FNBP4: variants seen among roughly 807,000 people sequenced by gnomAD.
FNBP4 encodes formin binding protein 4, also known as formin-binding protein 4.
Under a neutral mutation model 119.3 loss-of-function variants are expected in FNBP4, and 34 were observed. The observed-to-expected ratio is 0.28, with a 90% CI of 0.22 to 0.38. The LOEUF (loss-of-function observed/expected upper bound fraction) is 0.38, where lower values mean the gene tolerates loss of function less well. Ranked by LOEUF, FNBP4 falls within the 10% of genes least tolerant of loss-of-function variation. The pLI is 1.00. For synonymous variants in FNBP4, 462 were observed against 430.6 expected (o/e 1.07, Z -0.90); for missense variants, 1,112 against 1,228.9 (o/e 0.90, Z 1.42).
intron 10 of FNBP4, 98 bp downstream of exon 10, chr11:47,733,927 T>A: frequency 1.8e-6 from 1 of 554,970 alleles, no homozygotes; most frequent in African/African-American, 2.0e-5. Context: ...AATTTAAATT[T>A]AGGCTTAAAA....
rs769237215 is a variant in FNBP4 at position 47,716,585 on chromosome 11, CAA to C, written c.*835_*836del. 1 of 152,656 alleles carries C rather than the reference CAA, an allele frequency of 6.6e-6. No individual in the cohort carries two copies. Among genetic ancestry groups the C allele is most frequent in the Non-Finnish European group, 1.5e-5 (1 of 68,012 alleles). The allele number at this position is 152,656 out of a possible 1,614,324, so 9.5% of individuals were successfully genotyped here. A position where few individuals can be genotyped will look rare whatever the true frequency, so the allele number is the denominator to read the frequency against. ...TACAAGGTCAGAAACTGGAGAAATA[CAA>C]AGAGCTTTAAAACACAATTTGCCGT... On this transcript the variant is annotated 3_prime_UTR_variant, in exon 17 of 17. Coordinates refer to ENST00000263773, the MANE Select transcript of FNBP4 (RefSeq NM_015308.5).
chr11:47,753,915 C>G (rs1214186570), intron 3 of FNBP4, among the ~76,000 whole-genome samples: 1 of 152,020 alleles, frequency 6.6e-6, no homozygotes, highest in South Asian at 2.1e-4. Context: ...GAAAGCTTTA[C>G]AAAAAGAAAA....
intron 2 of FNBP4, among the ~76,000 whole-genome samples, chr11:47,764,535 T>C (rs1599274337): frequency 6.6e-6 from 1 of 152,068 alleles, no homozygotes; most frequent in East Asian, 1.9e-4. Flanking sequence ...GTTTTTTTTT[T>C]TTTAGGTGGC....
rs976528702 is a variant in FNBP4 at position 47,750,797 on chromosome 11, A to T, written c.906+119T>A. On this transcript the variant is annotated intron_variant, in intron 6 of 16. Transcript: ENST00000263773. Reference sequence around the variant, plus strand: ...ACACAGAAACAAAGTGAAAGTTATGAAACTTATCCTATTTCACATGTATGA... The same window carrying T: ...ACACAGAAACAAAGTGAAAGTTATGTAACTTATCCTATTTCACATGTATGA... The T allele has an allele frequency of 2.8e-6, 3 of 1,073,698 alleles. No homozygotes were observed. In the African/African-American group the frequency reaches 4.8e-5, roughly 17 times the overall value. The allele number at this position is 1,073,698 out of a possible 1,614,324, so 66.5% of individuals were successfully genotyped here.
chr11:47,765,567 CG>C (rs34848619), intron 1 of FNBP4, among the ~76,000 whole-genome samples: 21,612 of 36,386 alleles, frequency 0.59, 5,025 homozygotes, highest in Middle Eastern at 0.65. Flanking sequence ...GAGGCCAAGA[CG>C]GGGGGGGGGG....
At chr11:47,758,815 C>T (rs2097626013) in intron 2 of FNBP4, among the ~76,000 whole-genome samples, 1 of 151,430 alleles carries the variant, frequency 6.6e-6, no homozygotes, top group East Asian at 2.0e-4. Flanking sequence ...GCTGAGATCA[C>T]GTCACTGTAT....
At chr11:47,747,587 G>A (rs896919344) in intron 6 of FNBP4, among the ~76,000 whole-genome samples, 23 of 152,272 alleles carry the variant, frequency 1.5e-4, no homozygotes, top group South Asian at 2.1e-4. Flanking sequence ...GATTACAGGC[G>A]TGAGCCACCA....
chr11:47,760,128 C>T (rs2097630144), intron 2 of FNBP4, among the ~76,000 whole-genome samples: 1 of 152,126 alleles, frequency 6.6e-6, no homozygotes, highest in Admixed American at 6.6e-5. Context: ...CCTTTCTTCA[C>T]CTAAGAGCTT....
chr11:47,738,508 T>C (rs932030656), intron 8 of FNBP4, among the ~76,000 whole-genome samples: 1 of 151,982 alleles, frequency 6.6e-6, no homozygotes, highest in Non-Finnish European at 1.5e-5. Flanking sequence ...GAGGTTGCAG[T>C]GAGCCGAGAT....
intron 2 of FNBP4, among the ~76,000 whole-genome samples, chr11:47,763,743 A>C (rs1236818773): frequency 6.6e-6 from 1 of 151,854 alleles, no homozygotes; most frequent in African/African-American, 2.4e-5. Context: ...GTCATTATCC[A>C]CCTGCCTCGG....
chr11:47,718,280 C>A (rs2097551799), intron 16 of FNBP4, among the ~76,000 whole-genome samples: 1 of 151,970 alleles, frequency 6.6e-6, no homozygotes, highest in South Asian at 2.1e-4. Flanking sequence ...GTGGCACAAT[C>A]TCGGCTCACT....
In FNBP4 at chr11:47,734,087, C is replaced by T. The variant is rs1240198935; in HGVS notation, c.1624G>A (p.Glu542Lys). Residue 542 changes from glutamate to lysine, a missense_variant, in exon 10 of 17, where the codon GAG becomes AAG. Transcript: ENST00000263773. Reference sequence around the variant, plus strand: ...GATTGTCTATTAATGCCTAGAAACTCGAATTTACTTGTCAGGGTATTTGCC... The same window carrying T: ...GATTGTCTATTAATGCCTAGAAACTTGAATTTACTTGTCAGGGTATTTGCC... Reference protein sequence around the residue: ...ELANTLTSKFEFLGINRQSIS... With the variant: ...ELANTLTSKFKFLGINRQSIS... The T allele has an allele frequency of 3.8e-6, 6 of 1,596,866 alleles. No homozygotes were observed. Among genetic ancestry groups the T allele is most frequent in the South Asian group, 2.3e-5 (2 of 87,308 alleles).
chr11:47,733,555 G>A (rs1309818551), intron 10 of FNBP4, among the ~76,000 whole-genome samples: 2 of 151,970 alleles, frequency 1.3e-5, no homozygotes, highest in South Asian at 2.1e-4. Flanking sequence ...GGCTGGTCTC[G>A]AACTCCTGAC....
At chr11:47,751,780 T>C (rs144740749) in intron 4 of FNBP4, among the ~76,000 whole-genome samples, 1,904 of 152,086 alleles carry the variant, frequency 0.013, 18 homozygotes, top group Middle Eastern at 0.02. Flanking sequence ...GCAGAAACCC[T>C]GTCTCTACTA....
rs775525175 is a variant in FNBP4 at position 47,754,513 on chromosome 11, G to T, written c.450+15C>A. 9 of 1,610,414 alleles carry T rather than the reference G, an allele frequency of 5.6e-6. No homozygotes were observed. The African/African-American group carries it at 1.2e-4, about 22-fold the overall frequency. Reference sequence around the variant, plus strand: ...AGCTTCAGTAACTAAAACTCCAAACGAAAGCACCACTAACCGCTAGGAAGT... The same window carrying T: ...AGCTTCAGTAACTAAAACTCCAAACTAAAGCACCACTAACCGCTAGGAAGT... On this transcript the variant is annotated intron_variant, in intron 3 of 16. Transcript: ENST00000263773.
At position 47,761,111 on chromosome 11, in the gene FNBP4, T is replaced by C. The variant is rs151035822; in HGVS notation, c.313+4159A>G. Among the ~76,000 whole-genome samples the C allele has an allele frequency of 1.4e-4, 21 of 152,180 alleles. No individual in the cohort carries two copies. The East Asian group carries it at 2.1e-3, about 15-fold the overall frequency. On this transcript the variant is annotated intron_variant, in intron 2 of 16. Transcript: ENST00000263773. The stretch of plus-strand genomic sequence containing the variant: ...TACCATTTTGTGATAAATCAGACTA[T>C]TATAGAATCACATGAAATATTACTA...
At chr11:47,753,385 C>T (rs935496914) in intron 3 of FNBP4, among the ~76,000 whole-genome samples, 4 of 151,986 alleles carry the variant, frequency 2.6e-5, no homozygotes, top group African/African-American at 4.8e-5. Flanking sequence ...CCAAGGCGGG[C>T]GGATCACCTG....
At chr11:47,756,650 C>G (rs2097619215) in intron 2 of FNBP4, among the ~76,000 whole-genome samples, 1 of 151,996 alleles carries the variant, frequency 6.6e-6, no homozygotes, top group African/African-American at 2.4e-5. Context: ...CACCCATTAA[C>G]TCATCATTAA....
chr11:47,729,193 T>C (rs1433549403), intron 12 of FNBP4: 55 of 985,250 alleles, frequency 5.6e-5, no homozygotes, highest in African/African-American at 7.0e-5. Context: ...TTCCTTAATT[T>C]TCCCCCCAAA....
Sources: gnomAD v4.1 joint callset for allele counts (sites outside exome capture counted in the v4.1 genomes callset) on GRCh38, gnomAD v4.1.1 for gene constraint, MANE v1.5 for transcripts, NCBI Gene and HGNC (gene_info 2026-07-23, HGNC 2026-07-21) for gene names.